The following ANAPC16 variants were observed in gnomAD, a reference collection of about 807,000 sequenced individuals.
ANAPC16 encodes anaphase-promoting complex subunit 16.
In ANAPC16, 6 loss-of-function variants were observed where a neutral mutation model predicts 13.1. That is an observed-to-expected ratio of 0.46 (90% confidence interval 0.25 to 0.90). ANAPC16 has a LOEUF of 0.90. Among genes scored for constraint, ANAPC16 ranks in the 40% least tolerant of loss-of-function variants. The pLI, the probability that ANAPC16 is intolerant of heterozygous loss-of-function variation, is 0.18. For missense variants in ANAPC16, 113 were observed against 131.1 expected (o/e 0.86, Z 0.67); for synonymous variants, 55 against 51.3 (o/e 1.07, Z -0.31).
intron 1 of ANAPC16, 144 bp downstream of exon 1, chr10:72,216,282 TC>T (rs1859296910): frequency 6.3e-6 from 1 of 158,368 alleles, no homozygotes; most frequent in Non-Finnish European, 1.4e-5. Flanking sequence ...ATAGGAAATT[TC>T]CCCAGGCCGG....
At chr10:72,232,892 C>A in intron 3 of ANAPC16, 109 bp from the exon 4 acceptor site, 1 of 884,944 alleles carries the variant, frequency 1.1e-6, no homozygotes. Context: ...GCGTGATCCA[C>A]CACACCCGGC....
In ANAPC16 at chr10:72,223,877, T is replaced by C. The variant is rs1486705165; in HGVS notation, c.-27-11T>C. On this transcript the variant is annotated splice_polypyrimidine_tract_variant and intron_variant, in intron 1 of 3. Transcript: ENST00000299381. ...ATAAACTTGCCAATTGCTGTTTTTC[T>C]TTCTCTGTAGTGAAGTAAGAACTCT... The C allele has an allele frequency of 6.7e-7, 1 of 1,495,810 alleles. No individual in the cohort carries two copies. The highest frequency in any genetic ancestry group is 9.0e-7 in the Non-Finnish European group (1 of 1,108,956). 92.7% of individuals were successfully genotyped at this position (1,495,810 alleles called of 1,614,324 possible).
intron 1 of ANAPC16, among the ~76,000 whole-genome samples, chr10:72,221,878 C>T (rs1401950967): frequency 1.3e-5 from 2 of 151,158 alleles, no homozygotes; most frequent in Non-Finnish European, 3.0e-5. Flanking sequence ...TACAGGCACG[C>T]ACCACCATGC....
At chr10:72,218,600 A>G (rs1014777447) in intron 1 of ANAPC16, among the ~76,000 whole-genome samples, 1 of 152,176 alleles carries the variant, frequency 6.6e-6, no homozygotes, top group Non-Finnish European at 1.5e-5. Flanking sequence ...TAATTCACTC[A>G]GCAAACATTT....
chr10:72,227,806 G>A (rs186042859), intron 2 of ANAPC16, among the ~76,000 whole-genome samples: 4 of 151,318 alleles, frequency 2.6e-5, no homozygotes, highest in Non-Finnish European at 4.4e-5. Flanking sequence ...CGAGGTGGGC[G>A]GATCACCTGA....
At chr10:72,221,591 C>T (rs1358985282) in intron 1 of ANAPC16, among the ~76,000 whole-genome samples, 2 of 126,176 alleles carry the variant, frequency 1.6e-5, no homozygotes, top group African/African-American at 6.1e-5. Flanking sequence ...CTGGCTCTGT[C>T]ACCCAGACTG....
chr10:72,218,163 AAAATATATATATATATATAT>A (rs1485027975), intron 1 of ANAPC16, among the ~76,000 whole-genome samples: 4,715 of 34,118 alleles, frequency 0.14, 423 homozygotes, highest in Non-Finnish European at 0.18. Flanking sequence ...AAAAAAAAAA[AAAATATATATATATATATAT>A]ATATATATAT....
In ANAPC16 at chr10:72,233,209, T is replaced by C. The variant is rs1860382132; in HGVS notation, c.*93T>C. On this transcript the variant is annotated 3_prime_UTR_variant, in exon 4 of 4. Coordinates refer to ENST00000299381, the MANE Select transcript of ANAPC16 (RefSeq NM_173473.4). Reference sequence around the variant, plus strand: ...ACATAGCCATCCAGAGATCCACAGCTACGTCACTGAATTGTTAATGCACAT... The same window carrying C: ...ACATAGCCATCCAGAGATCCACAGCCACGTCACTGAATTGTTAATGCACAT... 6 of 900,412 alleles carry C rather than the reference T, an allele frequency of 6.7e-6. No homozygotes were observed. The South Asian group carries it at 7.2e-5, about 11-fold the overall frequency. The allele number at this position is 900,412 out of a possible 1,614,324, so 55.8% of individuals were successfully genotyped here. A position where few individuals can be genotyped will look rare whatever the true frequency, so the allele number is the denominator to read the frequency against.
intron 1 of ANAPC16, 98 bp downstream of exon 1, chr10:72,216,236 G>A (rs1290347915): frequency 6.4e-6 from 1 of 157,010 alleles, no homozygotes; most frequent in Non-Finnish European, 1.4e-5. Context: ...GGAGAAGGTA[G>A]GAGGAGAAAC....
intron 1 of ANAPC16, chr10:72,223,639 T>TA (rs1156402494): frequency 3.6e-6 from 1 of 280,618 alleles, no homozygotes; most frequent in Non-Finnish European, 6.6e-6. Context: ...TTAGTTGACA[T>TA]AAACAGTTCG....
At chr10:72,231,001 A>G (rs1860280875) in intron 3 of ANAPC16, among the ~76,000 whole-genome samples, 1 of 152,150 alleles carries the variant, frequency 6.6e-6, no homozygotes, top group African/African-American at 2.4e-5. Flanking sequence ...GGTTACCATC[A>G]TCATCTTCAA....
chr10:72,218,601 G>A (rs1859766023), intron 1 of ANAPC16, among the ~76,000 whole-genome samples: 4 of 152,090 alleles, frequency 2.6e-5, no homozygotes, highest in Admixed American at 2.0e-4. Context: ...AATTCACTCA[G>A]CAAACATTTA....
intron 2 of ANAPC16, among the ~76,000 whole-genome samples, chr10:72,227,319 GATCT>G (rs1860152811): frequency 6.6e-6 from 1 of 152,150 alleles, no homozygotes; most frequent in Non-Finnish European, 1.5e-5. Context: ...ACGAGTTATA[GATCT>G]ATCCATTTTT....
At chr10:72,228,279 A>T (rs763094739) in intron 2 of ANAPC16, among the ~76,000 whole-genome samples, 5 of 152,174 alleles carry the variant, frequency 3.3e-5, no homozygotes, top group Non-Finnish European at 5.9e-5. Flanking sequence ...AGTTTGCAGC[A>T]TTCTCCTGCC....
chr10:72,219,906 C>T (rs1859837420), intron 1 of ANAPC16: 1 of 152,138 alleles, frequency 6.6e-6, no homozygotes. Context: ...AGCCTTAAAT[C>T]TTCATCACAA....
chr10:72,227,386 T>C (rs1169579285), intron 2 of ANAPC16, among the ~76,000 whole-genome samples: 1 of 152,214 alleles, frequency 6.6e-6, no homozygotes, highest in Non-Finnish European at 1.5e-5. Context: ...TGTTGTAGGA[T>C]ACATTTATAT....
chr10:72,217,275 C>T (rs1426627859), intron 1 of ANAPC16: 1 of 348,570 alleles, frequency 2.9e-6, no homozygotes, highest in Non-Finnish European at 5.7e-6. Flanking sequence ...GAGATCGAGA[C>T]CATCCTGGCT....
intron 1 of ANAPC16, among the ~76,000 whole-genome samples, chr10:72,222,184 C>T (rs539331856): frequency 6.6e-6 from 1 of 151,430 alleles, no homozygotes; most frequent in South Asian, 2.1e-4. Context: ...CTTTGGGAGG[C>T]CGAGGCAGGC....
chr10:72,221,195 C>A (rs867321979), intron 1 of ANAPC16, among the ~76,000 whole-genome samples: 4 of 152,272 alleles, frequency 2.6e-5, no homozygotes, highest in African/African-American at 9.6e-5. Flanking sequence ...GCATTACAGG[C>A]GTTAGCCACC....
Sources: gnomAD v4.1 joint callset for allele counts (sites outside exome capture counted in the v4.1 genomes callset) on GRCh38, gnomAD v4.1.1 for gene constraint, MANE v1.5 for transcripts, NCBI Gene and HGNC (gene_info 2026-07-23, HGNC 2026-07-21) for gene names.